C14orf132: variants seen among roughly 807,000 people sequenced by gnomAD.
The protein encoded by C14orf132 is chromosome 14 open reading frame 132.
A neutral mutation model predicts 5.8 loss-of-function variants in C14orf132; 6 were observed. The ratio of observed to expected loss-of-function variants is 1.03; its 90% confidence interval spans 0.57 to 2.04. The LOEUF (loss-of-function observed/expected upper bound fraction) is 2.04. Ranked by LOEUF, C14orf132 falls within the 30% of genes most tolerant of loss-of-function variation. The probability of loss-of-function intolerance (pLI) is 0.00; values close to 1 mark genes in which losing one functional copy is unlikely to be tolerated. For missense variants in C14orf132, 125 were observed against 115.8 expected (o/e 1.08, Z -0.37); for synonymous variants, 51 against 49.8 (o/e 1.02, Z -0.10).
rs1595194718 is a variant in C14orf132, at chr14:96,086,497, C to T, written c.28-14C>T. On this transcript the variant is annotated splice_polypyrimidine_tract_variant and intron_variant, in intron 1 of 1. Coordinates refer to ENST00000555004, the MANE Select transcript of C14orf132 (RefSeq NM_001252507.3). ...CCCATGGCCCTGGATAATTCTCTCTCTCCTTCTTTGCAGCTGCCCATGATG... is the reference window on the plus strand; with the variant it reads ...CCCATGGCCCTGGATAATTCTCTCTTTCCTTCTTTGCAGCTGCCCATGATG... The T allele has an allele frequency of 6.5e-7, 1 of 1,535,798 alleles. No homozygotes were observed. The highest frequency in any genetic ancestry group is 1.2e-5 in the South Asian group (1 of 84,038).
chr14:96,039,957 A>T lies in C14orf132; in HGVS notation c.27+430A>T, dbSNP rs1420459873. Among the ~76,000 whole-genome samples the T allele has an allele frequency of 6.6e-6, 1 of 152,028 alleles. No individual in the cohort carries two copies. Among genetic ancestry groups the T allele is most frequent in the Non-Finnish European group, 1.5e-5 (1 of 67,970 alleles). On this transcript the variant is annotated intron_variant, in intron 1 of 1. Coordinates refer to ENST00000555004, the MANE Select transcript of C14orf132 (RefSeq NM_001252507.3). The surrounding 1 kb of genome is among the most constrained non-coding windows in gnomAD (Gnocchi z 5.3). Reference sequence around the variant, plus strand: ...CACTCTGTTTTCCCGAGGCGCCAGTAATCTGTCTCTTGCCGGTGACCTCGG... The same window carrying T: ...CACTCTGTTTTCCCGAGGCGCCAGTTATCTGTCTCTTGCCGGTGACCTCGG...
chr14:96,043,383 CAG>C (rs1886745857), intron 1 of C14orf132, among the ~76,000 whole-genome samples: 1 of 152,212 alleles, frequency 6.6e-6, no homozygotes, highest in South Asian at 2.1e-4. Flanking sequence ...GGATGGACAA[CAG>C]AGACAGGAGG....
chr14:96,082,949 C>T (rs547225019), intron 1 of C14orf132, among the ~76,000 whole-genome samples: 15 of 152,192 alleles, frequency 9.9e-5, no homozygotes, highest in Admixed American at 2.0e-4. Flanking sequence ...CCATATGTGG[C>T]AAAGCAGGAT....
rs10558318 is a variant in C14orf132 at position 96,085,988 on chromosome 14, T to TCACACACA, written c.28-504_28-497dup. ...CTCACTCTGTCTCTCTCTCTCTCTG[T>TCACACACA]CACACACACACACACACACACACAC... On this transcript the variant is annotated intron_variant, in intron 1 of 1. Coordinates refer to ENST00000555004, the MANE Select transcript of C14orf132 (RefSeq NM_001252507.3). Among the ~76,000 whole-genome samples the TCACACACA allele has an allele frequency of 4.7e-5, 7 of 148,954 alleles. No individual in the cohort carries two copies. The East Asian group carries it at 1.2e-3, about 25-fold the overall frequency.
intron 1 of C14orf132, among the ~76,000 whole-genome samples, chr14:96,070,750 C>T (rs28670466): frequency 0.03 from 4,572 of 152,130 alleles, 228 homozygotes; most frequent in African/African-American, 0.1. Context: ...TAGAAATTAC[C>T]CCACCAGAGT....
At chr14:96,043,871 T>C (rs1886761758) in intron 1 of C14orf132, among the ~76,000 whole-genome samples, 1 of 152,226 alleles carries the variant, frequency 6.6e-6, no homozygotes, top group South Asian at 2.1e-4. Context: ...TGGAACTTGC[T>C]CCAAAACTGA....
chr14:96,093,140 T>A lies in C14orf132; in HGVS notation c.*6405T>A, dbSNP rs1446083080. 2 of 152,198 alleles carry A rather than the reference T, an allele frequency of 1.3e-5. No individual in the cohort carries two copies. Among genetic ancestry groups the A allele is most frequent in the African/African-American group, 4.8e-5 (2 of 41,448 alleles). 9.4% of individuals were successfully genotyped at this position (152,198 alleles called of 1,614,324 possible). On this transcript the variant is annotated 3_prime_UTR_variant, in exon 2 of 2. Transcript: ENST00000555004. ...TGCCCTGCGTTCAAATAATGCGAGC[T>A]GAGGACAGTGATCTGCAACTCCCAG...
Position 96,062,132 on chromosome 14 carries a change from C to A in C14orf132, c.27+22605C>A, listed in dbSNP as rs76027369. ...TGTTGAAGTCAAAAGCCCTTGCAGG[C>A]AGCTTTTCTTGTCTGCTCATGGCTT... On this transcript the variant is annotated intron_variant, in intron 1 of 1. Transcript: ENST00000555004. 3.4e-3 allele frequency among the ~76,000 whole-genome samples: 524 copies of A among 152,280 alleles called. 4 individuals carry two copies. The highest frequency in any genetic ancestry group is 0.012 in the African/African-American group (495 of 41,528).
chr14:96,079,298 G>T (rs1422545147), intron 1 of C14orf132, among the ~76,000 whole-genome samples: 2 of 152,142 alleles, frequency 1.3e-5, no homozygotes, highest in African/African-American at 4.8e-5. Context: ...TTAGTCACTT[G>T]CCCTCATCAT....
At chr14:96,067,340 G>T (rs1042251748) in intron 1 of C14orf132, among the ~76,000 whole-genome samples, 44 of 152,286 alleles carry the variant, frequency 2.9e-4, no homozygotes, top group African/African-American at 1.0e-3. Context: ...CTTGGGCTCT[G>T]GGTGGGACCC....
At chr14:96,063,997 G>A (rs1390948525) in intron 1 of C14orf132, among the ~76,000 whole-genome samples, 1 of 152,062 alleles carries the variant, frequency 6.6e-6, no homozygotes, top group Non-Finnish European at 1.5e-5. Context: ...AATCATCAGG[G>A]AAATGCAAAT....
In C14orf132 at chr14:96,089,092, T is replaced by A. The variant is rs1888300491; in HGVS notation, c.*2357T>A. 6.6e-6 allele frequency: 1 copy of A among 152,264 alleles called. No homozygotes were observed. The highest frequency in any genetic ancestry group is 6.5e-5 in the Admixed American group (1 of 15,286). 9.4% of individuals were successfully genotyped at this position (152,264 alleles called of 1,614,324 possible). The stretch of plus-strand genomic sequence containing the variant: ...ATCTTGGTCTCCTGTGGTTTCTTCA[T>A]CAGCTTTTTTTTTACCAGCATCTCT... On this transcript the variant is annotated 3_prime_UTR_variant, in exon 2 of 2. Coordinates refer to ENST00000555004, the MANE Select transcript of C14orf132 (RefSeq NM_001252507.3).
intron 1 of C14orf132, among the ~76,000 whole-genome samples, chr14:96,044,447 T>A (rs559100851): frequency 1.6e-4 from 25 of 152,262 alleles, no homozygotes; most frequent in Non-Finnish European, 2.8e-4. Context: ...CCTGAAGTGC[T>A]GGGATTACAG....
chr14:96,048,042 G>T (rs1273236966), intron 1 of C14orf132, among the ~76,000 whole-genome samples: 1 of 152,136 alleles, frequency 6.6e-6, no homozygotes, highest in Non-Finnish European at 1.5e-5. Context: ...ACAAAAATTA[G>T]CTGGGTGTGG....
intron 1 of C14orf132, among the ~76,000 whole-genome samples, chr14:96,049,553 C>T (rs1266747307): frequency 7.9e-6 from 1 of 126,366 alleles, no homozygotes; most frequent in Non-Finnish European, 1.7e-5. Flanking sequence ...TATATATATA[C>T]ATATATACGT....
At chr14:96,066,943 A>G (rs1451648306) in intron 1 of C14orf132, among the ~76,000 whole-genome samples, 1 of 152,180 alleles carries the variant, frequency 6.6e-6, no homozygotes, top group Admixed American at 6.5e-5. Context: ...TGGTAGATCT[A>G]GAGTTTGATT....
intron 1 of C14orf132, among the ~76,000 whole-genome samples, chr14:96,077,928 G>C (rs1018625569): frequency 3.3e-5 from 5 of 152,214 alleles, no homozygotes; most frequent in African/African-American, 4.8e-5. Flanking sequence ...TTTGGGGTGA[G>C]CCCAAAATAT....
chr14:96,090,043 T>A lies in C14orf132; in HGVS notation c.*3308T>A, dbSNP rs939033976. The A allele has an allele frequency of 6.5e-6, 1 of 152,754 alleles. No homozygotes were observed. Among genetic ancestry groups the A allele is most frequent in the African/African-American group, 2.4e-5 (1 of 41,436 alleles). The allele number at this position is 152,754 out of a possible 1,614,324, so 9.5% of individuals were successfully genotyped here. ...AAAGGGTCCTGCATTTTCTGGAATG[T>A]TCTCTGTGCTTACCCCTCTGTGTGC... is the stretch of plus-strand genomic sequence containing the variant. On this transcript the variant is annotated 3_prime_UTR_variant, in exon 2 of 2. Transcript: ENST00000555004.
intron 1 of C14orf132, among the ~76,000 whole-genome samples, chr14:96,051,956 G>T (rs545849240): frequency 1.3e-4 from 20 of 152,370 alleles, no homozygotes; most frequent in Admixed American, 3.9e-4. Flanking sequence ...GGAAGAAGAG[G>T]ATAGCTGTCG....
Sources: allele counts gnomAD v4.1 joint callset (sites outside exome capture counted in the v4.1 genomes callset), GRCh38; gene constraint gnomAD v4.1.1; non-coding constraint Gnocchi (gnomAD v3.1); transcripts MANE v1.5; gene names NCBI Gene and HGNC (gene_info 2026-07-23, HGNC 2026-07-21).